The following FAM200B variants were observed in gnomAD, a reference collection of about 807,000 sequenced individuals.
The protein encoded by FAM200B is zinc finger BED-type containing 11, also known as protein FAM200B.
A neutral mutation model predicts 33.1 loss-of-function variants in FAM200B; 32 were observed. The ratio of observed to expected loss-of-function variants is 0.97; its 90% CI spans 0.73 to 1.30. The LOEUF (loss-of-function observed/expected upper bound fraction) is 1.30. Ranked by LOEUF, FAM200B falls within the 50% of genes most tolerant of loss-of-function variation. The probability of loss-of-function intolerance (pLI) is 0.00; values close to 1 mark genes in which losing one functional copy is unlikely to be tolerated. For synonymous variants in FAM200B, 240 were observed against 264.8 expected (o/e 0.91, Z 0.91); for missense variants, 741 against 754.0 (o/e 0.98, Z 0.20).
Position 15,689,586 on chromosome 4 carries a change from CA to C in FAM200B, c.*637del, listed in dbSNP as rs1480814862. On this transcript the variant is annotated 3_prime_UTR_variant, in exon 2 of 2. Transcript: ENST00000422728. ...CCCAGGAGTTCAAGACCATCCTGGG[CA>C]ACATAGTGAGACCTTATTTCTACTA... 6.0e-6 allele frequency: 1 copy of C among 165,882 alleles called. No individual in the cohort carries two copies. The highest frequency in any genetic ancestry group is 1.5e-5 in the Non-Finnish European group (1 of 68,120). 10.3% of individuals were successfully genotyped at this position (165,882 alleles called of 1,614,324 possible).
Position 15,687,018 on chromosome 4 carries a change from T to G in FAM200B, c.41T>G (p.Val14Gly). Residue 14 changes from valine to glycine, a missense_variant, in exon 2 of 2, where the codon GTG (valine) becomes GGG (glycine). Coordinates refer to ENST00000422728, the MANE Select transcript of FAM200B (RefSeq NM_001145191.2). ...FFIKRKRNSE[V>G]KYTEACSSSS... ...ATTAAAAGAAAGAGGAATAGTGAAG[T>G]GAAATATACAGAAGCATGTTCAAGT... 3 of 1,460,228 alleles carry G rather than the reference T, an allele frequency of 2.1e-6. No homozygotes were observed. The highest frequency in any genetic ancestry group is 1.8e-6 in the Non-Finnish European group (2 of 1,093,156). The allele number at this position is 1,460,228 out of a possible 1,614,324, so 90.5% of individuals were successfully genotyped here. A position where few individuals can be genotyped will look rare whatever the true frequency, so the allele number is the denominator to read the frequency against.
rs1719065067 is a variant in FAM200B, at chr4:15,688,150, A to T, written c.1173A>T (p.Gln391His). 1 of 1,551,222 alleles carries T rather than the reference A, an allele frequency of 6.4e-7. No individual in the cohort carries two copies. The highest frequency in any genetic ancestry group is 8.7e-7 in the Non-Finnish European group (1 of 1,146,756). Reference protein sequence around the residue: ...LYHTKIRWLSQGKILSRVYEL... With the variant: ...LYHTKIRWLSHGKILSRVYEL... ...ATACCAAAATTCGTTGGTTGTCTCA[A>T]GGGAAAATACTAAGCAGGGTTTATG... The change falls in exon 2 of 2, where the codon CAA becomes CAT. Residue 391 changes from glutamine (Q) to histidine (H), a missense_variant. By Grantham distance (24) the Gln-to-His change is conservative. Transcript: ENST00000422728.
At chr4:15,644,534 C>T in the FAM200B span, 1 of 1,613,902 alleles carries the variant, frequency 6.2e-7, no homozygotes, top group Non-Finnish European at 8.5e-7. Flanking sequence ...CTAAGCATCT[C>T]GGAGAGTTTA....
At chr4:15,663,425 G>A in the FAM200B span, among the ~76,000 whole-genome samples, 1 of 152,186 alleles carries the variant, frequency 6.6e-6, no homozygotes, top group East Asian at 1.9e-4. Flanking sequence ...TTGACCTGTT[G>A]TAGTGGTTCA....
upstream of FAM200B, among the ~76,000 whole-genome samples, chr4:15,681,010 A>C (rs925010709): frequency 4.0e-5 from 6 of 150,942 alleles, no homozygotes; most frequent in Admixed American, 2.0e-4. Context: ...GGTTTGTGAC[A>C]AAGATGCACT....
chr4:15,639,659 C>T, the FAM200B span, among the ~76,000 whole-genome samples: 5 of 152,172 alleles, frequency 3.3e-5, no homozygotes, highest in Admixed American at 6.5e-5. Flanking sequence ...TTAAAAAACA[C>T]TGGTCAGTCT....
At chr4:15,682,508 ACT>A (rs1380516632) in intron 1 of FAM200B, among the ~76,000 whole-genome samples, 1 of 151,974 alleles carries the variant, frequency 6.6e-6, no homozygotes, top group Non-Finnish European at 1.5e-5. Flanking sequence ...TAAGGAAACC[ACT>A]CTCCTAACCA....
rs1015651162 is a variant in FAM200B, at chr4:15,681,888, C to T, written c.-756C>T. Reference sequence around the variant, plus strand: ...AGCGCTGGGCCCGGCCGGGTCGCTGCGGCTGGGCTGGAGGTGAGGCGAAAG... The same window carrying T: ...AGCGCTGGGCCCGGCCGGGTCGCTGTGGCTGGGCTGGAGGTGAGGCGAAAG... On this transcript the variant is annotated 5_prime_UTR_variant, in exon 1 of 2. Transcript: ENST00000422728. 2 of 153,216 alleles carry T rather than the reference C, an allele frequency of 1.3e-5. No individual in the cohort carries two copies. Among genetic ancestry groups the T allele is most frequent in the Non-Finnish European group, 2.9e-5 (2 of 68,850 alleles). The allele number at this position is 153,216 out of a possible 1,614,324, so 9.5% of individuals were successfully genotyped here.
chr4:15,676,165 C>T, the FAM200B span, among the ~76,000 whole-genome samples: 1 of 152,136 alleles, frequency 6.6e-6, no homozygotes, highest in Non-Finnish European at 1.5e-5. Context: ...CTCTATAATC[C>T]TTAATCCATA....
chr4:15,650,980 C>T, the FAM200B span, among the ~76,000 whole-genome samples: 5 of 152,140 alleles, frequency 3.3e-5, no homozygotes, highest in African/African-American at 1.2e-4. Flanking sequence ...TCAAGTATTA[C>T]AGCCTGGTTT....
chr4:15,669,576 A>G, the FAM200B span, among the ~76,000 whole-genome samples: 2 of 152,226 alleles, frequency 1.3e-5, no homozygotes, highest in African/African-American at 4.8e-5. Flanking sequence ...CAAACATAAA[A>G]GTAGAAAGAA....
intron 1 of FAM200B, among the ~76,000 whole-genome samples, chr4:15,683,985 T>TG (rs1458282246): frequency 3.3e-5 from 5 of 152,252 alleles, no homozygotes; most frequent in African/African-American, 1.2e-4. Context: ...CATATAACCG[T>TG]GTTAATGCAC....
the FAM200B span, chr4:15,656,198 G>T: frequency 2.2e-6 from 1 of 456,266 alleles, no homozygotes; most frequent in South Asian, 1.5e-5. Context: ...CATTTTAAGC[G>T]GAGGTTCGGA....
the FAM200B span, among the ~76,000 whole-genome samples, chr4:15,672,028 A>C: frequency 6.6e-6 from 1 of 152,152 alleles, no homozygotes; most frequent in Non-Finnish European, 1.5e-5. Flanking sequence ...TGGAGATTAC[A>C]TTGTGGATTT....
the FAM200B span, among the ~76,000 whole-genome samples, chr4:15,672,800 A>C: frequency 6.6e-6 from 1 of 152,174 alleles, no homozygotes; most frequent in Non-Finnish European, 1.5e-5. Context: ...AAACTTAAAA[A>C]TTTTTTTAAA....
the FAM200B span, among the ~76,000 whole-genome samples, chr4:15,672,306 A>G: frequency 6.6e-6 from 1 of 152,238 alleles, no homozygotes; most frequent in Non-Finnish European, 1.5e-5. Context: ...GCCGTCTCTG[A>G]GCACGACACA....
At chr4:15,651,019 C>T in the FAM200B span, among the ~76,000 whole-genome samples, 5 of 152,102 alleles carry the variant, frequency 3.3e-5, no homozygotes, top group Non-Finnish European at 7.4e-5. Flanking sequence ...TGGTATGTCA[C>T]TTAAAGACGA....
At chr4:15,659,732 G>A in the FAM200B span, 117,589 of 981,574 alleles carry the variant, frequency 0.12, 7,585 homozygotes, top group Non-Finnish European at 0.13. Flanking sequence ...CCTACCTTGC[G>A]TCATTTACCT....
chr4:15,655,195 C>T, the FAM200B span: 1 of 1,401,446 alleles, frequency 7.1e-7, no homozygotes. Context: ...AGGCTCAGCG[C>T]TCCGTTACCT....
Sources: allele counts gnomAD v4.1 joint callset (sites outside exome capture counted in the v4.1 genomes callset), GRCh38; gene constraint gnomAD v4.1.1; transcripts MANE v1.5; gene names NCBI Gene and HGNC (gene_info 2026-07-23, HGNC 2026-07-21).